CSMD1: variants seen among roughly 807,000 people sequenced by gnomAD.
CSMD1 encodes CUB and Sushi multiple domains 1.
A neutral mutation model predicts 417.5 loss-of-function variants in CSMD1; 213 were observed. The observed-to-expected ratio is 0.51, with a 90% confidence interval of 0.46 to 0.57. The LOEUF (loss-of-function observed/expected upper bound fraction) is 0.57. Ranked by LOEUF, CSMD1 falls within the 20% of genes least tolerant of loss-of-function variation. CSMD1 has a pLI of 0.00. For synonymous variants in CSMD1, 2,862 were observed against 1,736.8 expected, an observed-to-expected ratio of 1.65 and a Z score of -16.11; for missense variants, 6,923 against 4,529.7, an observed-to-expected ratio of 1.53 and a Z score of -15.17.
At chr8:3,265,678 T>C (rs1206396924) in intron 26 of CSMD1, among the ~76,000 whole-genome samples, 1 of 152,216 alleles carries the variant, frequency 6.6e-6, no homozygotes, top group Non-Finnish European at 1.5e-5. Context: ...TAGGATTTTA[T>C]TCTAATATAA....
At chr8:3,996,568 T>C (rs1815239074) in intron 5 of CSMD1, among the ~76,000 whole-genome samples, 1 of 152,182 alleles carries the variant, frequency 6.6e-6, no homozygotes, top group Non-Finnish European at 1.5e-5. Flanking sequence ...TTTGCTTCCA[T>C]GAACTCTAAT....
intron 3 of CSMD1, among the ~76,000 whole-genome samples, chr8:4,160,554 A>C (rs1797094829): frequency 2.6e-5 from 4 of 152,214 alleles, no homozygotes; most frequent in Admixed American, 2.6e-4. Flanking sequence ...AGGTGATTTA[A>C]ATATCCACGT....
intron 57 of CSMD1, among the ~76,000 whole-genome samples, chr8:2,970,052 T>A (rs1255165329): frequency 6.6e-6 from 1 of 152,198 alleles, no homozygotes; most frequent in African/African-American, 2.4e-5. Flanking sequence ...TTTTTTTTCA[T>A]AGAAAACTTT....
chr8:3,779,149 TTGTGTGTGTGTGTGTG>T (rs56294437), intron 5 of CSMD1, among the ~76,000 whole-genome samples: 4 of 147,434 alleles, frequency 2.7e-5, no homozygotes, highest in Non-Finnish European at 4.5e-5. Flanking sequence ...GCGTGCATAC[TTGTGTGTGTGTGTGTG>T]TGTGTGTGTG....
intron 41 of CSMD1, among the ~76,000 whole-genome samples, chr8:3,134,107 G>A (rs1230988055): frequency 1.3e-5 from 2 of 152,136 alleles, no homozygotes; most frequent in Non-Finnish European, 2.9e-5. Context: ...GGGAGTTAGA[G>A]GTTGCAGTGA....
At chr8:3,359,465 A>C in intron 20 of CSMD1, 125 bp from the exon 21 acceptor site, 2 of 695,886 alleles carry the variant, frequency 2.9e-6, no homozygotes, top group Admixed American at 3.1e-5. Context: ...ATTTTCCCCA[A>C]ACACTTATAA....
At chr8:3,571,965 C>G (rs1799962753) in intron 10 of CSMD1, among the ~76,000 whole-genome samples, 1 of 152,148 alleles carries the variant, frequency 6.6e-6, no homozygotes, top group Admixed American at 6.5e-5. Flanking sequence ...CCTCGTGGAT[C>G]CCCCTAAAGC....
At chr8:3,135,351 G>C (rs1260621091) in intron 41 of CSMD1, among the ~76,000 whole-genome samples, 2 of 152,170 alleles carry the variant, frequency 1.3e-5, no homozygotes, top group Non-Finnish European at 2.9e-5. Context: ...CTGTTCCATG[G>C]CATATGTATT....
chr8:3,722,673 C>T (rs139974790), intron 6 of CSMD1, among the ~76,000 whole-genome samples: 59 of 152,292 alleles, frequency 3.9e-4, no homozygotes, highest in African/African-American at 1.2e-3. Context: ...GCACAGAGTT[C>T]GGTAAATTGC....
chr8:4,915,666 GTT>G (rs1806013592), intron 1 of CSMD1, among the ~76,000 whole-genome samples: 1 of 152,206 alleles, frequency 6.6e-6, no homozygotes, highest in East Asian at 1.9e-4. Context: ...ACGAGGGAAC[GTT>G]AGCGCCCGGC....
chr8:4,341,677 C>T (rs77844916), intron 3 of CSMD1, among the ~76,000 whole-genome samples: 21,446 of 152,092 alleles, frequency 0.14, 1,658 homozygotes, highest in Middle Eastern at 0.18. Context: ...AGCAAAGCGA[C>T]GCAGTCAAGA....
chr8:4,901,924 G>C (rs1804896440), intron 1 of CSMD1, among the ~76,000 whole-genome samples: 2 of 152,080 alleles, frequency 1.3e-5, no homozygotes, highest in African/African-American at 2.4e-5. Flanking sequence ...TAAAAAGATT[G>C]TCAGTCAGAT....
chr8:2,958,610 G>C (rs1034671075), intron 62 of CSMD1, among the ~76,000 whole-genome samples: 3 of 152,222 alleles, frequency 2.0e-5, no homozygotes, highest in African/African-American at 7.2e-5. Flanking sequence ...ATGGTTCTGT[G>C]TATCTGCAGC....
At chr8:4,936,662 A>G (rs1807642129) in intron 1 of CSMD1, among the ~76,000 whole-genome samples, 1 of 152,228 alleles carries the variant, frequency 6.6e-6, no homozygotes, top group Non-Finnish European at 1.5e-5. Flanking sequence ...AGTTATGGAC[A>G]TTATTAACCA....
chr8:3,505,057 C>T (rs1489587957), intron 10 of CSMD1, among the ~76,000 whole-genome samples: 1 of 151,802 alleles, frequency 6.6e-6, no homozygotes, highest in Non-Finnish European at 1.5e-5. Context: ...GGAGAATAAG[C>T]TAGTGAGAAT....
intron 3 of CSMD1, among the ~76,000 whole-genome samples, chr8:4,231,146 C>G (rs539438706): frequency 1.3e-5 from 2 of 152,108 alleles, no homozygotes; most frequent in African/African-American, 4.8e-5. Context: ...CGAAAACTAA[C>G]AGGATATTGA....
intron 5 of CSMD1, among the ~76,000 whole-genome samples, chr8:3,839,427 A>AT (rs1802953384): frequency 1.6e-5 from 2 of 123,976 alleles, no homozygotes; most frequent in Non-Finnish European, 3.2e-5. Context: ...AATATATATA[A>AT]TAAATTAATA....
chr8:3,668,625 G>C (rs959491818), intron 7 of CSMD1, among the ~76,000 whole-genome samples: 2 of 152,066 alleles, frequency 1.3e-5, no homozygotes, highest in African/African-American at 2.4e-5. Flanking sequence ...GGGGAGAAGA[G>C]ACGATCCTGA....
At chr8:3,348,372 C>A (rs1300010599) in intron 21 of CSMD1, among the ~76,000 whole-genome samples, 4 of 152,052 alleles carry the variant, frequency 2.6e-5, no homozygotes, top group African/African-American at 9.7e-5. Context: ...TGAAAATTGT[C>A]TTATTAACAG....
Sources: allele counts gnomAD v4.1 joint callset (sites outside exome capture counted in the v4.1 genomes callset), GRCh38; gene constraint gnomAD v4.1.1; transcripts MANE v1.5; gene names NCBI Gene and HGNC (gene_info 2026-07-23, HGNC 2026-07-21).